The following RALGDS variants were observed in gnomAD, a reference collection of about 807,000 sequenced individuals.
RALGDS encodes ral guanine nucleotide dissociation stimulator.
Under a neutral mutation model 99.8 loss-of-function variants are expected in RALGDS, and 44 were observed. The ratio of observed to expected loss-of-function variants is 0.44; its 90% CI spans 0.35 to 0.57. RALGDS has a LOEUF of 0.57. Among genes scored for constraint, RALGDS ranks in the 20% least tolerant of loss-of-function variants. RALGDS has a pLI of 0.01. For missense variants in RALGDS, 1,022 were observed against 1,203.1 expected (o/e 0.85, Z 2.23); for synonymous variants, 529 against 505.0 (o/e 1.05, Z -0.64).
chr9:133,103,265 G>A lies in RALGDS; in HGVS notation c.1759-3C>T, dbSNP rs1428547038. 1 of 1,613,970 alleles carries A rather than the reference G, an allele frequency of 6.2e-7. No homozygotes were observed. Among genetic ancestry groups the A allele is most frequent in the Non-Finnish European group, 8.5e-7 (1 of 1,180,018 alleles). On this transcript the variant is annotated splice_polypyrimidine_tract_variant and splice_region_variant and intron_variant, in intron 11 of 17. Transcript: ENST00000372050. The stretch of plus-strand genomic sequence containing the variant: ...TTCTCAAAGTTGATGAGTCTGCCCT[G>A]GAAGGTGGACACCCAATGGCCGTCA...
At chr9:133,106,769 G>A (rs755261734) in intron 7 of RALGDS, 21 bp from the exon 8 acceptor site, 1 of 1,559,962 alleles carries the variant, frequency 6.4e-7, no homozygotes, top group Non-Finnish European at 8.8e-7. Context: ...AAGAGCAGGA[G>A]GCATGAGGTG....
At chr9:133,106,200 C>CT (rs113227962) in intron 8 of RALGDS, among the ~76,000 whole-genome samples, 184 bp from the exon 9 acceptor site, 3,907 of 151,828 alleles carry the variant, frequency 0.026, 165 homozygotes, top group African/African-American at 0.089. Context: ...AACAGGACCC[C>CT]ATTCCCGTTT....
intron 14 of RALGDS, 109 bp downstream of exon 14, chr9:133,102,367 C>G: frequency 7.7e-7 from 1 of 1,290,330 alleles, no homozygotes; most frequent in South Asian, 1.2e-5. Context: ...CAGTCAGCAG[C>G]AGGGTAGGAT....
Position 133,101,955 on chromosome 9 carries a change from C to G in RALGDS, c.2194G>C (p.Asp732His). The G allele has an allele frequency of 6.4e-7, 1 of 1,551,308 alleles. No homozygotes were observed. The highest frequency in any genetic ancestry group is 2.4e-5 in the East Asian group (1 of 40,928). ...INISFVPESPDGQEKKFWESA... is the reference protein window; with the variant it reads ...INISFVPESPHGQEKKFWESA... The stretch of plus-strand genomic sequence containing the variant: ...GCAGTCACCTTCTTTTCCTGGCCAT[C>G]AGGAGACTCCGGGACGAAGCTGATG... Residue 732 changes from aspartate to histidine, a missense_variant, in exon 15 of 18, where the codon GAT (aspartate) becomes CAT (histidine). Transcript: ENST00000372050.
At chr9:133,115,396 C>T (rs905958082) in intron 1 of RALGDS, among the ~76,000 whole-genome samples, 2 of 152,188 alleles carry the variant, frequency 1.3e-5, no homozygotes, top group African/African-American at 4.8e-5. Flanking sequence ...TGTGGAAAGG[C>T]TCACGGCAGA....
chr9:133,129,269 C>T, intron 1 of RALGDS: 3 of 1,596,156 alleles, frequency 1.9e-6, no homozygotes, highest in East Asian at 2.2e-5. Context: ...GCCCTTCCTC[C>T]CCCTGGGCAC....
chr9:133,100,667 C>T, intron 16 of RALGDS: 1 of 1,312,012 alleles, frequency 7.6e-7, no homozygotes, highest in Middle Eastern at 3.0e-4. Context: ...TCCTCCCACA[C>T]TTCCTTGAGA....
rs115267639 is a variant in RALGDS at position 133,104,145 on chromosome 9, G to T, written c.1671+118C>A. On this transcript the variant is annotated intron_variant, in intron 10 of 17. Coordinates refer to ENST00000372050, the MANE Select transcript of RALGDS (RefSeq NM_006266.4). The stretch of plus-strand genomic sequence containing the variant: ...AGCTGATCCAGGTGTGGCTCTGCTA[G>T]GGTCCAGAGGAGGCTACCTCTAATG... The T allele has an allele frequency of 1.4e-3, 1,475 of 1,080,874 alleles. 14 individuals carry two copies. The African/African-American group carries it at 0.02, about 14-fold the overall frequency. The allele number at this position is 1,080,874 out of a possible 1,614,324, so 67.0% of individuals were successfully genotyped here. A position where few individuals can be genotyped will look rare whatever the true frequency, so the allele number is the denominator to read the frequency against.
chr9:133,122,153 A>C (rs1284315261), upstream of RALGDS, among the ~76,000 whole-genome samples: 1 of 152,150 alleles, frequency 6.6e-6, no homozygotes, highest in Admixed American at 6.5e-5. Flanking sequence ...TCAGGGTGGA[A>C]GTGGGGCTGC....
At chr9:133,120,139 G>A (rs577987505) in intron 1 of RALGDS, among the ~76,000 whole-genome samples, 4 of 152,274 alleles carry the variant, frequency 2.6e-5, no homozygotes, top group South Asian at 2.1e-4. Context: ...TCCCTCTGCT[G>A]TGTAGTCAGC....
In RALGDS at chr9:133,110,403, G is replaced by A; in HGVS notation, c.381C>T (p.His127=). 1.2e-6 allele frequency: 2 copies of A among 1,613,458 alleles called. No individual in the cohort carries two copies. The highest frequency in any genetic ancestry group is 1.7e-6 in the Non-Finnish European group (2 of 1,179,818). Residue 127 remains histidine, a synonymous_variant, in exon 3 of 18, where the codon CAC becomes CAT. Coordinates refer to ENST00000372050, the MANE Select transcript of RALGDS (RefSeq NM_006266.4). ...KAGTLEKLVE[H]LVPAFQGSDL... Reference sequence around the variant, plus strand: ...CGCTGCCCTGGAAGGCTGGCACCAGGTGCTCCACCAGCTTCTCCAGCGTGC... The same window carrying A: ...CGCTGCCCTGGAAGGCTGGCACCAGATGCTCCACCAGCTTCTCCAGCGTGC...
rs694881 is a variant in RALGDS, at chr9:133,102,766, G to C, written c.1913+13C>G. ...CCTGCCCCCACTGTCCCCATTTGCT[G>C]CCCCGGCCTCACCTCTCAGTCTCGC... is the stretch of plus-strand genomic sequence containing the variant. On this transcript the variant is annotated intron_variant, in intron 13 of 17. Coordinates refer to ENST00000372050, the MANE Select transcript of RALGDS (RefSeq NM_006266.4). The C allele has an allele frequency of 0.72, 1,152,012 of 1,608,484 alleles. 414,753 individuals are homozygous for C. The highest frequency in any genetic ancestry group is 0.86 in the East Asian group (38,323 of 44,774).
At chr9:133,143,311 C>A (rs1225882787) in intron 1 of RALGDS, among the ~76,000 whole-genome samples, 1 of 152,082 alleles carries the variant, frequency 6.6e-6, no homozygotes, top group African/African-American at 2.4e-5. Flanking sequence ...AGGCACCCAG[C>A]GCCAGCCAGG....
upstream of RALGDS, among the ~76,000 whole-genome samples, chr9:133,124,177 GAC>G (rs1832074441): frequency 7.2e-6 from 1 of 139,082 alleles, no homozygotes; most frequent in Non-Finnish European, 1.6e-5. Flanking sequence ...CAGAGACACA[GAC>G]ACACACACAG....
At chr9:133,119,495 A>G (rs1172809134) in intron 1 of RALGDS, among the ~76,000 whole-genome samples, 56 of 152,264 alleles carry the variant, frequency 3.7e-4, no homozygotes, top group Non-Finnish European at 5.9e-5. Flanking sequence ...GAGAGGGAAG[A>G]CAAGACCCCC....
At chr9:133,117,565 CG>C (rs1831673489) in intron 1 of RALGDS, among the ~76,000 whole-genome samples, 1 of 152,260 alleles carries the variant, frequency 6.6e-6, no homozygotes, top group African/African-American at 2.4e-5. Flanking sequence ...CCAAGGTGTG[CG>C]GAACTGGGAG....
At chr9:133,140,987 C>T (rs996692859) in intron 1 of RALGDS, among the ~76,000 whole-genome samples, 2 of 152,132 alleles carry the variant, frequency 1.3e-5, no homozygotes, top group Admixed American at 6.5e-5. Context: ...GCCCAGCCGA[C>T]GACCCCCAAG....
At chr9:133,143,777 C>CAATAAT (rs1832569703) in intron 1 of RALGDS, among the ~76,000 whole-genome samples, 2 of 114,534 alleles carry the variant, frequency 1.7e-5, no homozygotes, top group African/African-American at 7.8e-5. Context: ...ATAATAACAA[C>CAATAAT]AACAACAACA....
chr9:133,100,642 T>TA, intron 16 of RALGDS: 2 of 1,364,340 alleles, frequency 1.5e-6, no homozygotes, highest in South Asian at 1.5e-5. Context: ...GCTTCTCCTG[T>TA]AAGAGACTGT....
Sources: allele counts gnomAD v4.1 joint callset (sites outside exome capture counted in the v4.1 genomes callset), GRCh38; gene constraint gnomAD v4.1.1; transcripts MANE v1.5; gene names NCBI Gene and HGNC (gene_info 2026-07-23, HGNC 2026-07-21).